Variants in PCDHGB1 observed in about 807,000 individuals in gnomAD.
The protein encoded by PCDHGB1 is protocadherin gamma-B1.
PCDHGB1 carries 34 observed loss-of-function variants against 56.6 expected under a neutral mutation model. The observed-to-expected ratio is 0.60, with a 90% confidence interval of 0.46 to 0.80. The LOEUF (loss-of-function observed/expected upper bound fraction) is 0.80. Among genes scored for constraint, PCDHGB1 ranks in the 30% least tolerant of loss-of-function variants. The pLI is 0.00. For missense variants in PCDHGB1, 1,278 were observed against 1,204.6 expected, an observed-to-expected ratio of 1.06 and a Z score of -0.90; for synonymous variants, 561 against 505.9, an observed-to-expected ratio of 1.11 and a Z score of -1.46.
intron 1 of PCDHGB1, chr5:141,428,910 A>C (rs956124609): frequency 1.3e-5 from 2 of 151,302 alleles, no homozygotes; most frequent in Non-Finnish European, 2.9e-5. Context: ...GCTGGAGTGC[A>C]GTGGCATGAT....
intron 1 of PCDHGB1, chr5:141,399,366 G>A (rs1390489498): frequency 3.7e-6 from 6 of 1,613,850 alleles, no homozygotes; most frequent in Middle Eastern, 3.3e-4. Flanking sequence ...AAACCCCGGA[G>A]TACAATGTCA....
intron 1 of PCDHGB1, chr5:141,422,905 G>A: frequency 6.2e-7 from 1 of 1,614,260 alleles, no homozygotes; most frequent in South Asian, 1.1e-5. Flanking sequence ...GAACGACAAT[G>A]CGCCCGAGAT....
intron 1 of PCDHGB1, chr5:141,362,422 A>G: frequency 2.5e-6 from 4 of 1,614,016 alleles, no homozygotes; most frequent in African/African-American, 2.7e-5. Flanking sequence ...ATCAGCCAAG[A>G]CAGAGTTCAA....
intron 1 of PCDHGB1, chr5:141,393,809 A>G (rs566306926): frequency 1.9e-6 from 3 of 1,613,982 alleles, no homozygotes; most frequent in African/African-American, 1.3e-5. Context: ...GGAGGACCAA[A>G]TTGCTCATTT....
At chr5:141,403,178 T>G in intron 1 of PCDHGB1, 3 of 1,613,980 alleles carry the variant, frequency 1.9e-6, no homozygotes, top group Non-Finnish European at 2.5e-6. Context: ...GCAGCTTTTC[T>G]CTCTGAACCC....
At chr5:141,422,592 C>T (rs2096658264) in intron 1 of PCDHGB1, 1 of 1,614,090 alleles carries the variant, frequency 6.2e-7, no homozygotes. Flanking sequence ...TTTTTCCTCA[C>T]TCCTCTTACT....
In PCDHGB1 at chr5:141,477,595, T is replaced by C. The variant is rs1289890776; in HGVS notation, c.2410-17212T>C. The C allele has an allele frequency of 6.2e-7, 1 of 1,614,176 alleles. No individual in the cohort carries two copies. Among genetic ancestry groups the C allele is most frequent in the Non-Finnish European group, 8.5e-7 (1 of 1,180,032 alleles). ...ACGCCCCGCAGAATGCTCGGCTTTC[T>C]TTCTTTCTCTTGGAGCAAGGAGCTG... On this transcript the variant is annotated intron_variant, in intron 1 of 3. Coordinates refer to ENST00000523390, the MANE Select transcript of PCDHGB1 (RefSeq NM_018922.3). This position sits in a 1 kb window ranked among gnomAD's most constrained non-coding sequence, Gnocchi z 4.9.
chr5:141,410,158 G>T (rs755466762), intron 1 of PCDHGB1: 2 of 1,613,516 alleles, frequency 1.2e-6, no homozygotes, highest in Non-Finnish European at 8.5e-7. Context: ...GTGGACAGCC[G>T]CCACTCTCTG....
At chr5:141,385,158 T>C in intron 1 of PCDHGB1, 2 of 1,614,212 alleles carry the variant, frequency 1.2e-6, no homozygotes, top group African/African-American at 2.7e-5. Context: ...TGCAGACCTA[T>C]TCCCATGAGG....
Position 141,491,329 on chromosome 5 carries a change from G to A in PCDHGB1, c.2410-3478G>A. The A allele has an allele frequency of 6.2e-7, 1 of 1,614,142 alleles. No individual in the cohort carries two copies. Among genetic ancestry groups the A allele is most frequent in the Non-Finnish European group, 8.5e-7 (1 of 1,180,022 alleles). On this transcript the variant is annotated intron_variant, in intron 1 of 3. Coordinates refer to ENST00000523390, the MANE Select transcript of PCDHGB1 (RefSeq NM_018922.3). The surrounding 1 kb of genome is among the most constrained non-coding windows in gnomAD (Gnocchi z 6.9). ...AGACCTTACCCTTTACCTCATTGTG[G>A]CTCTAGCGACCGTCAGTCTCTTATC...
intron 1 of PCDHGB1, among the ~76,000 whole-genome samples, chr5:141,382,030 T>C (rs953371042): frequency 6.6e-6 from 1 of 151,856 alleles, no homozygotes; most frequent in African/African-American, 2.4e-5. Context: ...GGTTTCTCCA[T>C]GTTGGTCAGG....
At chr5:141,452,897 T>C (rs1447851469) in intron 1 of PCDHGB1, among the ~76,000 whole-genome samples, 1 of 152,230 alleles carries the variant, frequency 6.6e-6, no homozygotes, top group Non-Finnish European at 1.5e-5. Flanking sequence ...CCACTTTTAT[T>C]AGTTGGCATT....
chr5:141,506,017 C>G (rs2099850061), intron 3 of PCDHGB1, among the ~76,000 whole-genome samples: 1 of 152,176 alleles, frequency 6.6e-6, no homozygotes, highest in Non-Finnish European at 1.5e-5. Flanking sequence ...TTTGCTGCCC[C>G]TAACTCCAGA....
intron 1 of PCDHGB1, chr5:141,415,449 C>G: frequency 6.2e-7 from 1 of 1,614,182 alleles, no homozygotes; most frequent in Admixed American, 1.7e-5. Context: ...AGACCTATTC[C>G]CACGAGGTCT....
At chr5:141,409,434 A>T in intron 1 of PCDHGB1, 2 of 1,613,992 alleles carry the variant, frequency 1.2e-6, no homozygotes, top group Non-Finnish European at 1.7e-6. Context: ...GGAGCCCTGG[A>T]CCGAGAGCAG....
At chr5:141,454,970 G>A (rs2098808431) in intron 1 of PCDHGB1, among the ~76,000 whole-genome samples, 2 of 151,444 alleles carry the variant, frequency 1.3e-5, no homozygotes, top group African/African-American at 4.9e-5. Context: ...ACCACGCCTG[G>A]CTAATTTTTT....
intron 1 of PCDHGB1, chr5:141,400,141 A>G (rs763561348): frequency 1.9e-6 from 3 of 1,614,020 alleles, no homozygotes; most frequent in Non-Finnish European, 8.5e-7. Flanking sequence ...GCCGGATATC[A>G]CTGACCGCCC....
intron 1 of PCDHGB1, among the ~76,000 whole-genome samples, chr5:141,480,916 A>C (rs991166066): frequency 6.6e-6 from 1 of 152,106 alleles, no homozygotes; most frequent in East Asian, 1.9e-4. Flanking sequence ...ATGGTGGCGC[A>C]TACCTGTAGT....
chr5:141,377,207 A>C (rs1170353646), intron 1 of PCDHGB1: 1 of 152,122 alleles, frequency 6.6e-6, no homozygotes, highest in Non-Finnish European at 1.5e-5. Context: ...GATTGAGTAC[A>C]TCTCGTTTCT....
Sources: allele counts gnomAD v4.1 joint callset (sites outside exome capture counted in the v4.1 genomes callset), GRCh38; gene constraint gnomAD v4.1.1; non-coding constraint Gnocchi (gnomAD v3.1); transcripts MANE v1.5; gene names NCBI Gene and HGNC (gene_info 2026-07-23, HGNC 2026-07-21).